The following ASCC1 variants were observed in gnomAD, a reference collection of about 807,000 sequenced individuals.
ASCC1 encodes activating signal cointegrator 1 complex subunit 1.
A neutral mutation model predicts 46.6 loss-of-function variants in ASCC1; 35 were observed. The ratio of observed to expected loss-of-function variants is 0.75; its 90% CI spans 0.57 to 0.99. ASCC1 has a LOEUF of 0.99. Among genes scored for constraint, ASCC1 ranks in the 50% least tolerant of loss-of-function variants. The probability of loss-of-function intolerance (pLI) is 0.00; values close to 1 mark genes in which losing one functional copy is unlikely to be tolerated. For missense variants in ASCC1, 376 were observed against 428.7 expected (o/e 0.88, Z 1.09); for synonymous variants, 143 against 146.6 (o/e 0.98, Z 0.18).
rs532826796 is a variant in ASCC1 at position 72,162,202 on chromosome 10, G to C, written c.490-528C>G. Among the ~76,000 whole-genome samples the C allele has an allele frequency of 3.8e-4, 58 of 151,928 alleles. No individual in the cohort carries two copies. In the South Asian group the frequency reaches 0.01, roughly 26 times the overall value. ...TTATTTATTTTTGAGACAGAATCTC[G>C]CTCTGTTGCCCAGGCTGGAGGGCAA... On this transcript the variant is annotated intron_variant, in intron 5 of 9. Coordinates refer to ENST00000672957, the MANE Select transcript of ASCC1 (RefSeq NM_001198800.3).
intron 5 of ASCC1, among the ~76,000 whole-genome samples, chr10:72,175,230 TA>T (rs897620997): frequency 4.6e-5 from 7 of 152,236 alleles, no homozygotes; most frequent in African/African-American, 1.4e-4. Context: ...TCATCATCTA[TA>T]AAACAGACAA....
Position 72,172,429 on chromosome 10 carries a change from A to G in ASCC1, c.490-10755T>C, listed in dbSNP as rs561156709. 2.3e-4 allele frequency among the ~76,000 whole-genome samples: 35 copies of G among 149,482 alleles called. 1 individual carries two copies. Among genetic ancestry groups the G allele is most frequent in the Non-Finnish European group, 2.5e-4 (17 of 67,610 alleles). ...AACTCAGTCTCAAAAAAAAAAAAAA[A>G]AAAAAAGAAAAACTCTAAGCACAAA... On this transcript the variant is annotated intron_variant, in intron 5 of 9. Coordinates refer to ENST00000672957, the MANE Select transcript of ASCC1 (RefSeq NM_001198800.3).
At chr10:72,202,992 G>C (rs1485672334) in intron 4 of ASCC1, among the ~76,000 whole-genome samples, 3 of 152,024 alleles carry the variant, frequency 2.0e-5, no homozygotes, top group African/African-American at 7.2e-5. Flanking sequence ...AAACCATAAA[G>C]ACGCCCATAG....
Position 72,127,606 on chromosome 10 carries a change from C to G in ASCC1, c.957+476G>C, listed in dbSNP as rs1371249589. On this transcript the variant is annotated intron_variant, in intron 9 of 9. Coordinates refer to ENST00000672957, the MANE Select transcript of ASCC1 (RefSeq NM_001198800.3). ...CAAACCTCATAAGTACAGAGTAAAA[C>G]TTAGGTTGAAATCAACTTATTTCTA... is the stretch of plus-strand genomic sequence containing the variant. 4.0e-5 allele frequency among the ~76,000 whole-genome samples: 6 copies of G among 150,622 alleles called. No homozygotes were observed. The South Asian group carries it at 1.3e-3, about 32-fold the overall frequency.
intron 7 of ASCC1, among the ~76,000 whole-genome samples, chr10:72,148,841 A>G (rs1564648091): frequency 6.6e-6 from 1 of 152,154 alleles, no homozygotes; most frequent in African/African-American, 2.4e-5. Flanking sequence ...CAGATTCCAC[A>G]TTGCAACTAA....
At chr10:72,182,355 C>T (rs1007609331) in intron 5 of ASCC1, among the ~76,000 whole-genome samples, 5 of 152,180 alleles carry the variant, frequency 3.3e-5, no homozygotes, top group African/African-American at 1.2e-4. Flanking sequence ...ATTTCCAGCT[C>T]TTCCCTCAGG....
chr10:72,139,335 C>T (rs1245515), intron 7 of ASCC1, among the ~76,000 whole-genome samples: 47,795 of 151,688 alleles, frequency 0.32, 8,543 homozygotes, highest in Middle Eastern at 0.43. Context: ...AGGATGGTCT[C>T]GATCTCCTGA....
intron 7 of ASCC1, among the ~76,000 whole-genome samples, chr10:72,152,169 T>G (rs921063540): frequency 1.4e-5 from 2 of 141,784 alleles, no homozygotes; most frequent in South Asian, 2.1e-4. Flanking sequence ...ATTTTGTTTT[T>G]GGGTTTTTTT....
intron 3 of ASCC1, among the ~76,000 whole-genome samples, chr10:72,210,427 T>A (rs577396571): frequency 6.6e-6 from 1 of 152,180 alleles, no homozygotes; most frequent in Non-Finnish European, 1.5e-5. Context: ...CCCGAAGTGC[T>A]GGGATTACAG....
chr10:72,151,625 C>T (rs968275141), intron 7 of ASCC1, among the ~76,000 whole-genome samples: 9 of 151,948 alleles, frequency 5.9e-5, no homozygotes, highest in African/African-American at 1.4e-4. Context: ...TTTGATGTTT[C>T]GATAATGTAA....
intron 7 of ASCC1, among the ~76,000 whole-genome samples, chr10:72,142,613 C>T (rs953838634): frequency 4.6e-5 from 7 of 151,994 alleles, no homozygotes; most frequent in Admixed American, 3.3e-4. Context: ...GTGATCTGCC[C>T]GCCTCAGCCT....
intron 5 of ASCC1, among the ~76,000 whole-genome samples, chr10:72,177,038 G>A (rs1370610866): frequency 1.3e-5 from 2 of 151,894 alleles, no homozygotes; most frequent in Non-Finnish European, 2.9e-5. Flanking sequence ...ACACCCTAGA[G>A]TATGGGATCC....
chr10:72,143,006 G>A (rs1015537032), intron 7 of ASCC1, among the ~76,000 whole-genome samples: 2 of 151,392 alleles, frequency 1.3e-5, no homozygotes, highest in Non-Finnish European at 2.9e-5. Context: ...CTAAAAATAC[G>A]AAAAATTAGC....
chr10:72,132,000 C>T (rs1845670074), intron 8 of ASCC1, among the ~76,000 whole-genome samples: 1 of 151,506 alleles, frequency 6.6e-6, no homozygotes, highest in African/African-American at 2.4e-5. Context: ...TCCCAAGTAG[C>T]TGGGATTACA....
chr10:72,174,549 C>T (rs1270623600), intron 5 of ASCC1, among the ~76,000 whole-genome samples: 2 of 152,174 alleles, frequency 1.3e-5, no homozygotes, highest in Non-Finnish European at 2.9e-5. Flanking sequence ...GCTCACACTC[C>T]ACTACATGCT....
At chr10:72,204,852 A>C (rs1856976193) in intron 3 of ASCC1, among the ~76,000 whole-genome samples, 1 of 152,144 alleles carries the variant, frequency 6.6e-6, no homozygotes, top group Non-Finnish European at 1.5e-5. Context: ...CCACCTTACC[A>C]ATTAGGAGTG....
At chr10:72,132,392 A>G (rs1361534085) in intron 8 of ASCC1, among the ~76,000 whole-genome samples, 1 of 152,204 alleles carries the variant, frequency 6.6e-6, no homozygotes, top group East Asian at 1.9e-4. Context: ...GAAATAAACA[A>G]CTATCCCAAA....
Position 72,158,664 on chromosome 10 carries a change from T to C in ASCC1, c.626+2874A>G, listed in dbSNP as rs78509741. Among the ~76,000 whole-genome samples the C allele has an allele frequency of 4.0e-3, 609 of 152,328 alleles. 3 individuals are homozygous for C. The highest frequency in any genetic ancestry group is 6.9e-3 in the Non-Finnish European group (471 of 68,020). On this transcript the variant is annotated intron_variant, in intron 6 of 9. Coordinates refer to ENST00000672957, the MANE Select transcript of ASCC1 (RefSeq NM_001198800.3). ...TACTCAACTACTCATTTCTTCAATA[T>C]AGCCATACAGCTCCACAGTTTAAAT...
At chr10:72,098,492 G>T (rs550644131) in intron 9 of ASCC1, among the ~76,000 whole-genome samples, 1 of 152,304 alleles carries the variant, frequency 6.6e-6, no homozygotes, top group Admixed American at 6.5e-5. Flanking sequence ...CCCAAAGCAC[G>T]GAGATTACAG....
Sources: gnomAD v4.1 joint callset for allele counts (sites outside exome capture counted in the v4.1 genomes callset) on GRCh38, gnomAD v4.1.1 for gene constraint, MANE v1.5 for transcripts, NCBI Gene and HGNC (gene_info 2026-07-23, HGNC 2026-07-21) for gene names.